The following EVC2 variants were observed in gnomAD, a reference collection of about 807,000 sequenced individuals.
EVC2 encodes EvC ciliary complex subunit 2.
Under a neutral mutation model 149.3 loss-of-function variants are expected in EVC2, and 148 were observed. That is an observed-to-expected ratio of 0.99 (90% CI 0.87 to 1.14). The LOEUF (loss-of-function observed/expected upper bound fraction) is 1.14. Among genes scored for constraint, EVC2 ranks in the 50% most tolerant of loss-of-function variants. EVC2 has a pLI of 0.00. For synonymous variants in EVC2, 776 were observed against 649.9 expected (o/e 1.19, Z -2.95); for missense variants, 1,854 against 1,627.3 (o/e 1.14, Z -2.40).
At chr4:5,615,320 T>C (rs1715159572) in intron 16 of EVC2, 102 bp downstream of exon 16, 1 of 1,576,044 alleles carries the variant, frequency 6.3e-7, no homozygotes, top group African/African-American at 1.3e-5. Flanking sequence ...TGGAGATGGA[T>C]GGCACAGCCC....
intron 21 of EVC2, among the ~76,000 whole-genome samples, chr4:5,545,623 G>A (rs7679683): frequency 0.089 from 13,585 of 152,168 alleles, 1,142 homozygotes; most frequent in African/African-American, 0.21. Flanking sequence ...TGGCAGAGAC[G>A]AGTTACCTAC....
intron 16 of EVC2, among the ~76,000 whole-genome samples, chr4:5,593,931 C>T (rs1220815277): frequency 6.6e-6 from 1 of 152,242 alleles, no homozygotes; most frequent in Non-Finnish European, 1.5e-5. Flanking sequence ...CCCCACCTGG[C>T]TTGGAGGGTC....
chr4:5,688,875 T>C (rs1720906362), intron 5 of EVC2, among the ~76,000 whole-genome samples: 1 of 152,184 alleles, frequency 6.6e-6, no homozygotes, highest in Non-Finnish European at 1.5e-5. Flanking sequence ...AAATTTTTCA[T>C]AATAAAAATA....
rs1336095614 is a variant in EVC2, at chr4:5,708,457, C to T, written c.57G>A (p.Leu19=). 13 of 1,507,148 alleles carry T rather than the reference C, an allele frequency of 8.6e-6. No individual in the cohort carries two copies. In the Middle Eastern group the frequency reaches 2.1e-3, roughly 241 times the overall value. The allele number at this position is 1,507,148 out of a possible 1,614,324, so 93.4% of individuals were successfully genotyped here. Residue 19 remains leucine (L), a synonymous_variant, in exon 1 of 22, where the codon CTG becomes CTA. Coordinates refer to ENST00000344408, the MANE Select transcript of EVC2 (RefSeq NM_147127.5). ...RPTWVLAGGL[L]AVALALGGRG... ...GGCCCCCCAGCGCCAGGGCCACTGC[C>T]AGGAGACCCCCGGCCAGCACCCACG... is the stretch of plus-strand genomic sequence containing the variant.
intron 9 of EVC2, among the ~76,000 whole-genome samples, chr4:5,662,604 A>G (rs2108895018): frequency 6.9e-6 from 1 of 144,678 alleles, no homozygotes; most frequent in South Asian, 2.1e-4. Context: ...TTTTAATTAT[A>G]TTTAAATATA....
At chr4:5,594,633 C>A (rs971576345) in intron 16 of EVC2, among the ~76,000 whole-genome samples, 1 of 152,144 alleles carries the variant, frequency 6.6e-6, no homozygotes, top group Non-Finnish European at 1.5e-5. Flanking sequence ...AAAAACAGAG[C>A]AGAAAAACGA....
intron 19 of EVC2, among the ~76,000 whole-genome samples, chr4:5,570,618 C>T (rs1349088865): frequency 6.6e-6 from 1 of 152,242 alleles, no homozygotes. Context: ...GTAGAATTAC[C>T]ATTCGATCCA....
chr4:5,541,678 C>T (rs889180681), downstream of EVC2, among the ~76,000 whole-genome samples: 1 of 152,170 alleles, frequency 6.6e-6, no homozygotes, highest in Non-Finnish European at 1.5e-5. Context: ...CATCCCAGGC[C>T]TCGCAGTGCC....
chr4:5,570,699 G>A (rs1485236585), intron 19 of EVC2, among the ~76,000 whole-genome samples: 2 of 152,182 alleles, frequency 1.3e-5, no homozygotes, highest in African/African-American at 4.8e-5. Context: ...GGACATGCAT[G>A]TTTATAGCAG....
At chr4:5,579,708 G>C (rs1339086176) in intron 17 of EVC2, among the ~76,000 whole-genome samples, 1 of 152,182 alleles carries the variant, frequency 6.6e-6, no homozygotes, top group Non-Finnish European at 1.5e-5. Context: ...GGGCATGATA[G>C]TGCATGCCTA....
chr4:5,609,108 A>G (rs1030865487), intron 16 of EVC2, among the ~76,000 whole-genome samples: 1 of 152,088 alleles, frequency 6.6e-6, no homozygotes, highest in Non-Finnish European at 1.5e-5. Flanking sequence ...CGGGTTCTGT[A>G]GCCTCCAGAT....
At position 5,640,727 on chromosome 4, in the gene EVC2, G is replaced by A. The variant is rs1717268176; in HGVS notation, c.1257C>T (p.His419=). ...LLLKNLTSSG[H]LSPQVERKMS... ...TTTTTCTCTCTACTTGGGGTGAGAGGTGGCCACTGCTGGTGAGATTTTTCA... is the reference window on the plus strand; with the variant it reads ...TTTTTCTCTCTACTTGGGGTGAGAGATGGCCACTGCTGGTGAGATTTTTCA... The change falls in exon 10 of 22, where the codon CAC becomes CAT. Residue 419 remains histidine (H), a synonymous_variant. Coordinates refer to ENST00000344408, the MANE Select transcript of EVC2 (RefSeq NM_147127.5). This position sits in a 1 kb window ranked among gnomAD's most constrained non-coding sequence, Gnocchi z 4.6. 3.7e-6 allele frequency: 6 copies of A among 1,614,122 alleles called. No individual in the cohort carries two copies. Among genetic ancestry groups the A allele is most frequent in the Non-Finnish European group, 5.1e-6 (6 of 1,180,020 alleles).
At chr4:5,695,904 G>A (rs1215691172) in intron 2 of EVC2, among the ~76,000 whole-genome samples, 1 of 152,140 alleles carries the variant, frequency 6.6e-6, no homozygotes, top group Non-Finnish European at 1.5e-5. Context: ...AAAAGATGTG[G>A]AGCTGGGTCC....
At chr4:5,647,690 A>G (rs1375128977) in intron 9 of EVC2, among the ~76,000 whole-genome samples, 1 of 152,222 alleles carries the variant, frequency 6.6e-6, no homozygotes, top group African/African-American at 2.4e-5. Context: ...TCTTAAACGA[A>G]GCCTTATGTG....
rs546997748 is a variant in EVC2, at chr4:5,564,745, G to C, written c.3659+513C>G. Among the ~76,000 whole-genome samples, 32 of 152,324 alleles carry C rather than the reference G, an allele frequency of 2.1e-4. No homozygotes were observed. The South Asian group carries it at 6.2e-3, about 30-fold the overall frequency. ...CACTTCCCTCTGTCTGTAGGTGTGT[G>C]ATAGCCACAGCCAAGGAAAAAGGCA... is the stretch of plus-strand genomic sequence containing the variant. On this transcript the variant is annotated intron_variant, in intron 21 of 21. Transcript: ENST00000344408.
chr4:5,633,856 C>T lies in EVC2; in HGVS notation c.1471-1824G>A, dbSNP rs1435696529. Among the ~76,000 whole-genome samples, 1 of 152,258 alleles carries T rather than the reference C, an allele frequency of 6.6e-6. No homozygotes were observed. The highest frequency in any genetic ancestry group is 1.5e-5 in the Non-Finnish European group (1 of 68,052). ...CCCAATTTCCCAAGTCACAGACCTG[C>T]TCACCTCCACTTCCAATAACTCACA... On this transcript the variant is annotated intron_variant, in intron 10 of 21. Transcript: ENST00000344408. This position sits in a 1 kb window ranked among gnomAD's most constrained non-coding sequence, Gnocchi z 4.4.
chr4:5,636,578 G>T lies in EVC2; in HGVS notation c.1470+3936C>A, dbSNP rs1431123801. On this transcript the variant is annotated intron_variant, in intron 10 of 21. Coordinates refer to ENST00000344408, the MANE Select transcript of EVC2 (RefSeq NM_147127.5). This position sits in a 1 kb window ranked among gnomAD's most constrained non-coding sequence, Gnocchi z 4.6. Reference sequence around the variant, plus strand: ...TGATTTAAAGTATACAGGAGCATTTGTGTAGGTTATGTGCAAATACGACAC... The same window carrying T: ...TGATTTAAAGTATACAGGAGCATTTTTGTAGGTTATGTGCAAATACGACAC... Among the ~76,000 whole-genome samples the T allele has an allele frequency of 6.6e-6, 1 of 152,246 alleles. No homozygotes were observed. Among genetic ancestry groups the T allele is most frequent in the East Asian group, 1.9e-4 (1 of 5,168 alleles).
chr4:5,658,940 C>A (rs1210113418), intron 9 of EVC2, among the ~76,000 whole-genome samples: 1 of 152,192 alleles, frequency 6.6e-6, no homozygotes, highest in Non-Finnish European at 1.5e-5. Context: ...CCTCCCTCCT[C>A]CTGGTCCCAG....
chr4:5,654,612 G>A (rs1234692077), intron 9 of EVC2, among the ~76,000 whole-genome samples: 1 of 152,138 alleles, frequency 6.6e-6, no homozygotes, highest in South Asian at 2.1e-4. Context: ...GGTGGCTGGA[G>A]TTTTGCTGAT....
Sources: gnomAD v4.1 joint callset for allele counts (sites outside exome capture counted in the v4.1 genomes callset) on GRCh38, gnomAD v4.1.1 for gene constraint, Gnocchi (gnomAD v3.1) non-coding constraint, MANE v1.5 for transcripts, NCBI Gene and HGNC (gene_info 2026-07-23, HGNC 2026-07-21) for gene names.